Variants in KIF26B observed in about 807,000 individuals in gnomAD.
The protein encoded by KIF26B is kinesin-like protein KIF26B.
Under a neutral mutation model 151.2 loss-of-function variants are expected in KIF26B, and 63 were observed. The observed-to-expected ratio is 0.42, with a 90% CI of 0.34 to 0.51. The LOEUF (loss-of-function observed/expected upper bound fraction) is 0.51. Among genes scored for constraint, KIF26B ranks in the 20% least tolerant of loss-of-function variants. KIF26B has a pLI of 0.07. For synonymous variants in KIF26B, 1,357 were observed against 1,262.1 expected (o/e 1.08, Z -1.59); for missense variants, 2,813 against 2,913.6 (o/e 0.97, Z 0.79).
intron 2 of KIF26B, among the ~76,000 whole-genome samples, chr1:245,230,058 G>A (rs1453059039): frequency 1.1e-4 from 17 of 151,954 alleles, no homozygotes; most frequent in Admixed American, 6.6e-5. Flanking sequence ...GCTTGAACCC[G>A]GGTGGCGGAG....
intron 2 of KIF26B, among the ~76,000 whole-genome samples, chr1:245,229,174 G>A (rs920169814): frequency 1.8e-4 from 28 of 152,120 alleles, no homozygotes; most frequent in African/African-American, 6.7e-4. Context: ...GTTTTACCAT[G>A]TTGGCCAGGC....
chr1:245,499,904 C>A, intron 4 of KIF26B, among the ~76,000 whole-genome samples: 1 of 152,300 alleles, frequency 6.6e-6, no homozygotes, highest in Non-Finnish European at 1.5e-5. Flanking sequence ...CGGTCACTTT[C>A]CTAAGGGAGA....
intron 2 of KIF26B, among the ~76,000 whole-genome samples, chr1:245,246,049 G>A (rs1264516322): frequency 6.7e-6 from 1 of 150,144 alleles, no homozygotes; most frequent in Non-Finnish European, 1.5e-5. Flanking sequence ...CCGAGATCGT[G>A]CCACTGCACT....
At chr1:245,176,446 G>A (rs79503484) in intron 2 of KIF26B, among the ~76,000 whole-genome samples, 1 of 152,134 alleles carries the variant, frequency 6.6e-6, no homozygotes, top group Non-Finnish European at 1.5e-5. Flanking sequence ...TTCCCACAGG[G>A]TCTATCATGG....
intron 2 of KIF26B, among the ~76,000 whole-genome samples, chr1:245,351,427 A>G (rs1407038030): frequency 6.6e-6 from 1 of 152,028 alleles, no homozygotes; most frequent in Non-Finnish European, 1.5e-5. Context: ...TCTTAAACAA[A>G]GAGAAAACTC....
chr1:245,325,838 G>T (rs544870714), intron 2 of KIF26B, among the ~76,000 whole-genome samples: 2 of 152,296 alleles, frequency 1.3e-5, no homozygotes, highest in South Asian at 2.1e-4. Flanking sequence ...TGTGGCGGAG[G>T]GGGGGTGGTA....
rs764787747 is a variant in KIF26B, at chr1:245,419,583, C to T, written c.1004C>T (p.Ser335Phe). The T allele has an allele frequency of 6.2e-7, 1 of 1,608,552 alleles. No individual in the cohort carries two copies. The highest frequency in any genetic ancestry group is 1.1e-5 in the South Asian group (1 of 90,286). Residue 335 changes from serine (S) to phenylalanine (F), a missense_variant, in exon 4 of 15, where the codon TCC becomes TTC. This residue lies in a region of KIF26B where 676 missense variants were observed against 688.1 expected (regional missense o/e 0.98). Transcript: ENST00000407071. ...NGVTLYPYQI[S>F]QLMTESSREG... ...CGTATCCATTTTCTTTGTCAGATCT[C>T]CCAGCTGATGACAGAGAGTAGCCGG... is the stretch of plus-strand genomic sequence containing the variant.
At chr1:245,295,664 A>G (rs1164520453) in intron 2 of KIF26B, among the ~76,000 whole-genome samples, 1 of 152,244 alleles carries the variant, frequency 6.6e-6, no homozygotes, top group Non-Finnish European at 1.5e-5. Flanking sequence ...TCATTTGAAC[A>G]TTAGAGATGA....
intron 2 of KIF26B, among the ~76,000 whole-genome samples, chr1:245,305,338 T>A (rs777418166): frequency 6.6e-5 from 10 of 152,116 alleles, no homozygotes; most frequent in Non-Finnish European, 1.2e-4. Flanking sequence ...TTTTTGCAAA[T>A]CACATATTTG....
chr1:245,631,066 G>C (rs967132063), intron 9 of KIF26B, among the ~76,000 whole-genome samples: 1 of 152,116 alleles, frequency 6.6e-6, no homozygotes, highest in African/African-American at 2.4e-5. Context: ...TATGCCATCT[G>C]CAGAGAGGAA....
chr1:245,659,978 G>A (rs954499691), intron 10 of KIF26B, among the ~76,000 whole-genome samples: 7 of 151,940 alleles, frequency 4.6e-5, no homozygotes, highest in African/African-American at 1.7e-4. Flanking sequence ...AACCCCGGGA[G>A]GTGGAGGTTG....
intron 4 of KIF26B, among the ~76,000 whole-genome samples, chr1:245,504,253 C>A (rs997911215): frequency 6.6e-6 from 1 of 152,016 alleles, no homozygotes; most frequent in Non-Finnish European, 1.5e-5. Flanking sequence ...TCTCCTCCAA[C>A]CCCTTCCCAC....
chr1:245,379,102 A>G (rs112202657), intron 3 of KIF26B, among the ~76,000 whole-genome samples: 2,020 of 152,342 alleles, frequency 0.013, 43 homozygotes, highest in African/African-American at 0.046. Flanking sequence ...TCAATCACCA[A>G]TTTCATAAAG....
rs759612636 is a variant in KIF26B at position 245,611,870 on chromosome 1, C to T, written c.1992C>T (p.Arg664=). The T allele has an allele frequency of 9.9e-6, 16 of 1,613,876 alleles. No individual in the cohort carries two copies. Among genetic ancestry groups the T allele is most frequent in the South Asian group, 3.3e-5 (3 of 91,068 alleles). The change falls in exon 9 of 15, where the codon CGC becomes CGT. Residue 664 remains arginine (R), a synonymous_variant. Transcript: ENST00000407071. ...TCCTGGATGCCGCCATTGCCTCCCG[C>T]AGGAGCCACCAACAGGACTGTGATG... is the stretch of plus-strand genomic sequence containing the variant. ...AFFLDAAIAS[R]RSHQQDCDED... is the part of the protein sequence containing the mutation.
intron 2 of KIF26B, among the ~76,000 whole-genome samples, chr1:245,343,609 A>G (rs987119395): frequency 5.3e-5 from 8 of 152,304 alleles, no homozygotes; most frequent in East Asian, 1.9e-4. Flanking sequence ...ATTTAAACGC[A>G]ATTTTTCTTC....
chr1:245,662,194 C>T (rs1437072821), intron 10 of KIF26B, among the ~76,000 whole-genome samples: 1 of 148,990 alleles, frequency 6.7e-6, no homozygotes, highest in Non-Finnish European at 1.5e-5. Flanking sequence ...TATATATATA[C>T]CCAATGATAT....
intron 9 of KIF26B, among the ~76,000 whole-genome samples, chr1:245,618,932 A>G (rs1217015419): frequency 1.3e-3 from 135 of 101,238 alleles, no homozygotes; most frequent in Admixed American, 2.1e-3. Context: ...ATTAGACTAT[A>G]GGTTCCTTGA....
intron 2 of KIF26B, among the ~76,000 whole-genome samples, chr1:245,185,272 G>A (rs915865029): frequency 1.3e-5 from 2 of 151,904 alleles, no homozygotes; most frequent in Non-Finnish European, 2.9e-5. Context: ...CCGGGTAGCT[G>A]GGATTACAGG....
chr1:245,179,019 A>T (rs1159769763), intron 2 of KIF26B, among the ~76,000 whole-genome samples: 1 of 151,778 alleles, frequency 6.6e-6, no homozygotes, highest in African/African-American at 2.4e-5. Flanking sequence ...TAAGCTGTAT[A>T]CAAATGTTCA....
Sources: gnomAD v4.1 joint callset for allele counts (sites outside exome capture counted in the v4.1 genomes callset) on GRCh38, gnomAD v4.1.1 for gene constraint, gnomAD v4.1.1 regional missense constraint, MANE v1.5 for transcripts, NCBI Gene and HGNC (gene_info 2026-07-23, HGNC 2026-07-21) for gene names.